Variants in OCA2 observed in about 807,000 individuals in gnomAD.
OCA2 encodes the protein P protein.
OCA2 carries 77 observed loss-of-function variants against 100.2 expected under a neutral mutation model. The observed-to-expected ratio is 0.77, with a 90% confidence interval of 0.64 to 0.93. OCA2 has a LOEUF of 0.93. OCA2 is among the 40% of genes least tolerant of loss of function. The pLI is 0.00. For missense variants in OCA2, 1,062 were observed against 1,089.1 expected (o/e 0.98, Z 0.35); for synonymous variants, 432 against 439.2 (o/e 0.98, Z 0.21).
intron 1 of OCA2, among the ~76,000 whole-genome samples, chr15:28,094,770 A>T (rs2044939350): frequency 6.6e-6 from 1 of 152,092 alleles, no homozygotes; most frequent in Non-Finnish European, 1.5e-5. Flanking sequence ...GTTCTCTCCG[A>T]GGCCCTCAAC....
intron 23 of OCA2, among the ~76,000 whole-genome samples, chr15:27,760,334 G>C (rs2030733710): frequency 6.6e-6 from 1 of 151,764 alleles, no homozygotes; most frequent in Non-Finnish European, 1.5e-5. Flanking sequence ...GAAACGTATA[G>C]CACTAAATGT....
intron 23 of OCA2, among the ~76,000 whole-genome samples, chr15:27,835,411 A>G (rs997249903): frequency 2.8e-4 from 43 of 152,182 alleles, no homozygotes; most frequent in African/African-American, 1.0e-3. Context: ...CCATCCCAGC[A>G]GTGCTCTTTG....
chr15:28,069,935 G>A (rs1487878147), intron 2 of OCA2, among the ~76,000 whole-genome samples: 3 of 122,448 alleles, frequency 2.5e-5, no homozygotes, highest in Non-Finnish European at 4.5e-5. Flanking sequence ...CCGCCCGGCC[G>A]CCATCCCATC....
At chr15:27,923,203 C>T (rs531014288) in intron 19 of OCA2, among the ~76,000 whole-genome samples, 1 of 152,282 alleles carries the variant, frequency 6.6e-6, no homozygotes, top group East Asian at 1.9e-4. Context: ...ATATACTTTA[C>T]TTTATCCAGT....
chr15:27,886,568 C>T (rs2037232014), intron 19 of OCA2, among the ~76,000 whole-genome samples: 1 of 152,074 alleles, frequency 6.6e-6, no homozygotes, highest in Non-Finnish European at 1.5e-5. Flanking sequence ...TGCAAAGAAA[C>T]TTTAACAATA....
chr15:27,835,256 G>A (rs886451340), intron 23 of OCA2, among the ~76,000 whole-genome samples: 6 of 152,180 alleles, frequency 3.9e-5, no homozygotes, highest in Non-Finnish European at 7.3e-5. Context: ...GATGCGGCAG[G>A]TTGCATTTCC....
chr15:27,796,196 A>G (rs1039120970), intron 23 of OCA2, among the ~76,000 whole-genome samples: 1 of 152,264 alleles, frequency 6.6e-6, no homozygotes, highest in South Asian at 2.1e-4. Flanking sequence ...TTGGAACAAC[A>G]CCAAGTCCTG....
At chr15:27,952,053 C>T (rs1180855009) in intron 17 of OCA2, among the ~76,000 whole-genome samples, 161 bp from the exon 18 acceptor site, 1 of 152,192 alleles carries the variant, frequency 6.6e-6, no homozygotes, top group Non-Finnish European at 1.5e-5. Flanking sequence ...TACAAGGAAA[C>T]CCGTACAGAT....
intron 1 of OCA2, among the ~76,000 whole-genome samples, chr15:28,090,244 A>G (rs2044849071): frequency 1.3e-5 from 2 of 152,248 alleles, no homozygotes; most frequent in African/African-American, 4.8e-5. Flanking sequence ...CATTTATAGT[A>G]TAGTTTTATA....
At chr15:27,864,289 C>T (rs1222794451) in intron 21 of OCA2, among the ~76,000 whole-genome samples, 1 of 152,182 alleles carries the variant, frequency 6.6e-6, no homozygotes, top group Non-Finnish European at 1.5e-5. Flanking sequence ...CCACCTCCTG[C>T]AGAACCTGAG....
At chr15:27,812,908 C>G (rs144440793) in intron 23 of OCA2, among the ~76,000 whole-genome samples, 1 of 152,176 alleles carries the variant, frequency 6.6e-6, no homozygotes, top group Admixed American at 6.5e-5. Flanking sequence ...GATGCCCCTC[C>G]TCCATCACAG....
intron 23 of OCA2, among the ~76,000 whole-genome samples, chr15:27,797,004 G>A (rs890882350): frequency 6.6e-6 from 1 of 152,090 alleles, no homozygotes; most frequent in African/African-American, 2.4e-5. Flanking sequence ...CACTTCACAC[G>A]CAGGTACAGT....
intron 2 of OCA2, among the ~76,000 whole-genome samples, chr15:28,035,769 T>C (rs559150625): frequency 1.3e-5 from 2 of 151,144 alleles, no homozygotes; most frequent in East Asian, 3.9e-4. Context: ...ATTTACAAAA[T>C]CCCTATGTGC....
At chr15:27,745,843 T>A in the OCA2 span, among the ~76,000 whole-genome samples, 9 of 152,348 alleles carry the variant, frequency 5.9e-5, no homozygotes, top group African/African-American at 1.7e-4. Context: ...TTTCGATTCA[T>A]TCCAGGTCTT....
intron 17 of OCA2, among the ~76,000 whole-genome samples, chr15:27,953,436 G>A (rs770198452): frequency 2.7e-4 from 41 of 152,148 alleles, no homozygotes; most frequent in Non-Finnish European, 4.6e-4. Context: ...GGGGAAGGCC[G>A]ATTTTCCTAC....
At chr15:27,944,622 G>C (rs1445385004) in intron 18 of OCA2, among the ~76,000 whole-genome samples, 1 of 152,114 alleles carries the variant, frequency 6.6e-6, no homozygotes, top group Non-Finnish European at 1.5e-5. Context: ...CTGGCCAGCT[G>C]CTCCTGTGGC....
At chr15:27,743,204 G>A in the OCA2 span, among the ~76,000 whole-genome samples, 5 of 152,112 alleles carry the variant, frequency 3.3e-5, no homozygotes, top group African/African-American at 7.2e-5. Flanking sequence ...GGCCACCCAG[G>A]GCAGCTGCCA....
intron 19 of OCA2, among the ~76,000 whole-genome samples, chr15:27,892,818 A>T (rs1318024087): frequency 6.6e-6 from 1 of 152,208 alleles, no homozygotes; most frequent in Non-Finnish European, 1.5e-5. Flanking sequence ...TTCTAAAAAG[A>T]CTGACCAAAA....
At chr15:27,899,664 C>A (rs986116915) in intron 19 of OCA2, among the ~76,000 whole-genome samples, 8 of 152,158 alleles carry the variant, frequency 5.3e-5, no homozygotes, top group African/African-American at 1.9e-4. Flanking sequence ...ACTCACTGGT[C>A]GTACCATGTG....
Sources: gnomAD v4.1 joint callset for allele counts (sites outside exome capture counted in the v4.1 genomes callset) on GRCh38, gnomAD v4.1.1 for gene constraint, MANE v1.5 for transcripts, NCBI Gene and HGNC (gene_info 2026-07-23, HGNC 2026-07-21) for gene names.